SLC44A5: variants seen among roughly 807,000 people sequenced by gnomAD.
SLC44A5 encodes the protein choline transporter-like protein 5.
In SLC44A5, 57 loss-of-function variants were observed where a neutral mutation model predicts 101.8. The observed-to-expected ratio is 0.56, with a 90% CI of 0.45 to 0.70. SLC44A5 has a LOEUF of 0.70. Among genes scored for constraint, SLC44A5 ranks in the 30% least tolerant of loss-of-function variants. SLC44A5 has a pLI of 0.00. For synonymous variants in SLC44A5, 281 were observed against 290.9 expected (o/e 0.97, Z 0.35); for missense variants, 737 against 853.1 (o/e 0.86, Z 1.70).
intron 3 of SLC44A5, among the ~76,000 whole-genome samples, chr1:75,362,659 A>G (rs1471998503): frequency 6.6e-6 from 1 of 152,066 alleles, no homozygotes; most frequent in African/African-American, 2.4e-5. Flanking sequence ...GTGAACAGAA[A>G]AGATACTTAT....
At chr1:75,265,536 T>C (rs1650913078) in intron 6 of SLC44A5, among the ~76,000 whole-genome samples, 1 of 152,172 alleles carries the variant, frequency 6.6e-6, no homozygotes, top group African/African-American at 2.4e-5. Flanking sequence ...CAATGTACTG[T>C]ACATTTCAAA....
chr1:75,468,042 A>G (rs2101719401), intron 2 of SLC44A5, among the ~76,000 whole-genome samples: 1 of 152,306 alleles, frequency 6.6e-6, no homozygotes, highest in Non-Finnish European at 1.5e-5. Context: ...TTCTCAAAAA[A>G]AAGGCATACA....
intron 2 of SLC44A5, among the ~76,000 whole-genome samples, chr1:75,418,092 T>C (rs1004146540): frequency 2.0e-5 from 3 of 152,196 alleles, no homozygotes; most frequent in Admixed American, 2.0e-4. Context: ...AGCTGTGACA[T>C]TTAGATATTT....
intron 3 of SLC44A5, among the ~76,000 whole-genome samples, chr1:75,342,192 G>A (rs1657934801): frequency 6.6e-6 from 1 of 152,070 alleles, no homozygotes; most frequent in Non-Finnish European, 1.5e-5. Context: ...ATTCAAGAAA[G>A]TCAAATAATT....
intron 1 of SLC44A5, among the ~76,000 whole-genome samples, chr1:75,552,496 T>C (rs575066753): frequency 3.3e-5 from 5 of 152,156 alleles, no homozygotes; most frequent in South Asian, 4.1e-4. Flanking sequence ...GGCTGAAATT[T>C]GAAAACAGAC....
At chr1:75,664,988 T>C in the SLC44A5 span, among the ~76,000 whole-genome samples, 1 of 150,976 alleles carries the variant, frequency 6.6e-6, no homozygotes, top group Non-Finnish European at 1.5e-5. Flanking sequence ...ACATTATACG[T>C]TTATAGATGG....
intron 7 of SLC44A5, among the ~76,000 whole-genome samples, chr1:75,248,893 G>C (rs1649336998): frequency 6.6e-6 from 1 of 152,080 alleles, no homozygotes; most frequent in Non-Finnish European, 1.5e-5. Context: ...TGATTTCACT[G>C]AGAGACTGTG....
chr1:75,547,541 T>C (rs1425445089), intron 1 of SLC44A5, among the ~76,000 whole-genome samples: 1 of 152,158 alleles, frequency 6.6e-6, no homozygotes, highest in Non-Finnish European at 1.5e-5. Flanking sequence ...AGCAAAAGTG[T>C]CCTGGTCAAG....
chr1:75,303,317 C>T (rs1443240107), intron 4 of SLC44A5, among the ~76,000 whole-genome samples: 1 of 152,118 alleles, frequency 6.6e-6, no homozygotes, highest in Non-Finnish European at 1.5e-5. Flanking sequence ...CTCACTGCAA[C>T]CTCCGACTCC....
chr1:75,359,356 T>G (rs2101107617), intron 3 of SLC44A5, among the ~76,000 whole-genome samples: 1 of 149,578 alleles, frequency 6.7e-6, no homozygotes, highest in African/African-American at 2.4e-5. Context: ...CTCCTCAGTC[T>G]CCCAAGTAGC....
intron 3 of SLC44A5, among the ~76,000 whole-genome samples, chr1:75,395,364 G>C (rs913963575): frequency 6.6e-6 from 1 of 152,034 alleles, no homozygotes; most frequent in African/African-American, 2.4e-5. Flanking sequence ...ACCATCTGCT[G>C]ATACATTTTT....
At chr1:75,271,525 C>T (rs1383021845) in intron 6 of SLC44A5, among the ~76,000 whole-genome samples, 2 of 59,446 alleles carry the variant, frequency 3.4e-5, no homozygotes, top group Admixed American at 1.9e-4. Context: ...GTGTGTGTGT[C>T]CTCATAGCTT....
At chr1:75,711,481 G>T in the SLC44A5 span, among the ~76,000 whole-genome samples, 1 of 152,192 alleles carries the variant, frequency 6.6e-6, no homozygotes, top group Admixed American at 6.5e-5. Flanking sequence ...ACTGAGGACT[G>T]TAGACCATAG....
At chr1:75,617,359 C>T in the SLC44A5 span, among the ~76,000 whole-genome samples, 4 of 152,028 alleles carry the variant, frequency 2.6e-5, no homozygotes, top group African/African-American at 9.7e-5. Flanking sequence ...TAGTGTGGTG[C>T]GGCAAAAAGA....
intron 1 of SLC44A5, among the ~76,000 whole-genome samples, chr1:75,570,488 C>T (rs549215019): frequency 2.0e-5 from 3 of 152,242 alleles, no homozygotes; most frequent in African/African-American, 7.2e-5. Flanking sequence ...GATTGAGACT[C>T]AGAAGTTGAC....
chr1:75,259,071 G>A (rs1045903302), intron 6 of SLC44A5, among the ~76,000 whole-genome samples: 15 of 152,100 alleles, frequency 9.9e-5, no homozygotes, highest in African/African-American at 3.6e-4. Context: ...AAGATGGGGG[G>A]AAATCAGCAC....
intron 5 of SLC44A5, among the ~76,000 whole-genome samples, chr1:75,287,819 C>G (rs1046850135): frequency 6.6e-6 from 1 of 152,102 alleles, no homozygotes; most frequent in Non-Finnish European, 1.5e-5. Context: ...GTGTCTCAGC[C>G]GTGAATACCA....
intron 1 of SLC44A5, among the ~76,000 whole-genome samples, chr1:75,584,045 C>T (rs1238553993): frequency 6.6e-6 from 1 of 152,200 alleles, no homozygotes; most frequent in East Asian, 1.9e-4. Context: ...TCCACATGTT[C>T]TTATAGATTC....
chr1:75,540,446 A>G (rs1333686088), intron 2 of SLC44A5, among the ~76,000 whole-genome samples: 3 of 152,232 alleles, frequency 2.0e-5, no homozygotes, highest in Non-Finnish European at 2.9e-5. Context: ...AATTCCCTGT[A>G]ACATGTTCAC....
Sources: gnomAD v4.1 joint callset for allele counts (sites outside exome capture counted in the v4.1 genomes callset) on GRCh38, gnomAD v4.1.1 for gene constraint, MANE v1.5 for transcripts, NCBI Gene and HGNC (gene_info 2026-07-23, HGNC 2026-07-21) for gene names.